ACCSL: variants seen among roughly 807,000 people sequenced by gnomAD.
The protein encoded by ACCSL is 1-aminocyclopropane-1-carboxylate synthase homolog (inactive) like.
In ACCSL, 55 loss-of-function variants were observed where a neutral mutation model predicts 61.7. The observed-to-expected ratio is 0.89, with a 90% confidence interval of 0.72 to 1.12. The LOEUF (loss-of-function observed/expected upper bound fraction) is 1.12. Among genes scored for constraint, ACCSL ranks in the 50% most tolerant of loss-of-function variants. ACCSL has a pLI of 0.00. For missense variants in ACCSL, 632 were observed against 698.0 expected (o/e 0.91, Z 1.07); for synonymous variants, 258 against 264.3 (o/e 0.98, Z 0.23).
the ACCSL span, chr11:43,933,481 A>G: frequency 5.2e-6 from 1 of 191,920 alleles, no homozygotes; most frequent in East Asian, 1.1e-4. Context: ...AAAAGACAGC[A>G]AAGATATTCC....
chr11:43,990,506 G>A, the ACCSL span, among the ~76,000 whole-genome samples: 1 of 152,080 alleles, frequency 6.6e-6, no homozygotes, highest in East Asian at 1.9e-4. Context: ...GAACCCTCAT[G>A]CCTTAATACC....
At chr11:44,004,285 T>C in the ACCSL span, among the ~76,000 whole-genome samples, 1 of 151,912 alleles carries the variant, frequency 6.6e-6, no homozygotes, top group Non-Finnish European at 1.5e-5. Context: ...AGCTTGAGTC[T>C]GGGGAAGGAC....
rs759910901 is a variant in ACCSL, at chr11:44,048,192, C to T, written c.156C>T (p.Gly52=). 1.2e-6 allele frequency: 2 copies of T among 1,614,192 alleles called. No individual in the cohort carries two copies. The highest frequency in any genetic ancestry group is 1.1e-5 in the South Asian group (1 of 91,088). ...EHFVQLTSRQ[G]LSLEERRHTE... ...TCGTGCAGCTGACGAGCAGACAGGG[C>T]CTGTCGCTGGAGGAAAGGAGGCACA... is the stretch of plus-strand genomic sequence containing the variant. Residue 52 remains glycine (G), a synonymous_variant, in exon 1 of 14, where the codon GGC becomes GGT. Transcript: ENST00000378832.
the ACCSL span, among the ~76,000 whole-genome samples, chr11:43,940,254 A>C: frequency 6.6e-6 from 1 of 152,154 alleles, no homozygotes; most frequent in Non-Finnish European, 1.5e-5. Context: ...TGTTGGGATT[A>C]CGGGTGTGAG....
chr11:44,012,098 C>T, the ACCSL span, among the ~76,000 whole-genome samples: 3 of 152,030 alleles, frequency 2.0e-5, no homozygotes, highest in East Asian at 3.9e-4. Flanking sequence ...GGATGATCCT[C>T]TGGACTCCTT....
chr11:43,966,451 T>G, the ACCSL span, among the ~76,000 whole-genome samples: 1 of 148,270 alleles, frequency 6.7e-6, no homozygotes, highest in African/African-American at 2.5e-5. Context: ...AAAAAAAAAT[T>G]AAAAGCTTTC....
chr11:44,001,576 G>A, the ACCSL span, among the ~76,000 whole-genome samples: 3 of 151,934 alleles, frequency 2.0e-5, no homozygotes, highest in Admixed American at 1.3e-4. Flanking sequence ...GTCTGGCCTC[G>A]GCGTGTCCAT....
chr11:44,024,437 C>CTG, the ACCSL span, among the ~76,000 whole-genome samples: 1 of 74,906 alleles, frequency 1.3e-5, no homozygotes, highest in African/African-American at 6.3e-5. Flanking sequence ...CTCTCTCTCT[C>CTG]TCTCTGTGTG....
At chr11:43,992,470 C>T in the ACCSL span, among the ~76,000 whole-genome samples, 3 of 152,238 alleles carry the variant, frequency 2.0e-5, no homozygotes, top group Non-Finnish European at 4.4e-5. Flanking sequence ...GCTTCCAGTA[C>T]ATACCTTCCC....
the ACCSL span, chr11:43,942,262 C>T: frequency 6.1e-6 from 1 of 163,470 alleles, no homozygotes; most frequent in African/African-American, 2.4e-5. Flanking sequence ...GCATCTGGGA[C>T]CAGGGGGCGG....
chr11:44,027,543 C>A, the ACCSL span, among the ~76,000 whole-genome samples: 6 of 152,192 alleles, frequency 3.9e-5, no homozygotes, highest in African/African-American at 1.4e-4. Context: ...AAGTGCTCAT[C>A]AAATGTTAAT....
At chr11:44,055,313 T>C (rs1952664854) in intron 9 of ACCSL, 22 bp downstream of exon 9, 1 of 1,595,460 alleles carries the variant, frequency 6.3e-7, no homozygotes, top group Non-Finnish European at 8.6e-7. Context: ...TCAGCTGGAG[T>C]TGGGAACGAG....
At chr11:43,993,705 C>G in the ACCSL span, among the ~76,000 whole-genome samples, 2 of 152,164 alleles carry the variant, frequency 1.3e-5, no homozygotes, top group Admixed American at 6.5e-5. Flanking sequence ...CTGCCTGCCC[C>G]CTTCTGTGCA....
At chr11:43,967,484 T>G in the ACCSL span, among the ~76,000 whole-genome samples, 1 of 152,084 alleles carries the variant, frequency 6.6e-6, no homozygotes, top group Non-Finnish European at 1.5e-5. Flanking sequence ...CGGCCTCAGT[T>G]CTTCCAGTTC....
rs200625908 is a variant in ACCSL at position 44,050,143 on chromosome 11, T to G, written c.564+22T>G. The G allele has an allele frequency of 2.4e-4, 388 of 1,604,976 alleles. No homozygotes were observed. The African/African-American group carries it at 4.2e-3, about 17-fold the overall frequency. ...AAGAGTAAGGATGTTCTGGGCTGTG[T>G]TGGGACCCACCCCTTCAAGGCTTAG... On this transcript the variant is annotated intron_variant, in intron 2 of 13. Transcript: ENST00000378832.
At chr11:43,974,762 A>G in the ACCSL span, among the ~76,000 whole-genome samples, 1 of 152,206 alleles carries the variant, frequency 6.6e-6, no homozygotes, top group Admixed American at 6.5e-5. Flanking sequence ...ATGAAAACCT[A>G]CGGCCAACAG....
the ACCSL span, among the ~76,000 whole-genome samples, chr11:43,984,545 C>T: frequency 3.9e-5 from 6 of 152,314 alleles, no homozygotes; most frequent in East Asian, 1.9e-4. Context: ...ATGACCTAGC[C>T]GGGCTCTGAA....
Position 44,048,225 on chromosome 11 carries a change from C to T in ACCSL, c.189C>T (p.Ala63=), listed in dbSNP as rs374627783. 6.2e-6 allele frequency: 10 copies of T among 1,614,070 alleles called. No individual in the cohort carries two copies. In the African/African-American group the frequency reaches 1.3e-4, roughly 22 times the overall value. ...TGGAGGAAAGGAGGCACACTGAGGC[C>T]ATCTGTGAGCATGAAGCCCTTCTGA... ...LSLEERRHTE[A]ICEHEALLSR... is the part of the protein sequence containing the mutation. Residue 63 remains alanine, a synonymous_variant, in exon 1 of 14, where the codon GCC becomes GCT. Transcript: ENST00000378832.
chr11:43,987,656 G>A, the ACCSL span, among the ~76,000 whole-genome samples: 164 of 152,194 alleles, frequency 1.1e-3, 1 homozygote, highest in African/African-American at 3.8e-3. Flanking sequence ...GCCTCCCTCT[G>A]AGCCACAGCG....
Sources: gnomAD v4.1 joint callset for allele counts (sites outside exome capture counted in the v4.1 genomes callset) on GRCh38, gnomAD v4.1.1 for gene constraint, MANE v1.5 for transcripts, NCBI Gene and HGNC (gene_info 2026-07-23, HGNC 2026-07-21) for gene names.